ACOX2: variants seen among roughly 807,000 people sequenced by gnomAD.
The protein encoded by ACOX2 is peroxisomal acyl-coenzyme A oxidase 2.
In ACOX2, 59 loss-of-function variants were observed where a neutral mutation model predicts 77.5. The ratio of observed to expected loss-of-function variants is 0.76; its 90% confidence interval spans 0.62 to 0.95. The LOEUF is 0.95. ACOX2 is among the 40% of genes least tolerant of loss of function. ACOX2 has a pLI of 0.00. For synonymous variants in ACOX2, 317 were observed against 340.1 expected (o/e 0.93, Z 0.75); for missense variants, 837 against 880.4 (o/e 0.95, Z 0.62).
At position 58,525,715 on chromosome 3, in the gene ACOX2, T is replaced by G. The variant is rs2063389263; in HGVS notation, c.1346+751A>C. On this transcript the variant is annotated intron_variant, in intron 10 of 14. Transcript: ENST00000302819. This position sits in a 1 kb window ranked among gnomAD's most constrained non-coding sequence, Gnocchi z 5.0. ...AAGGCCTCCTGGACAGAAAGAAGTG[T>G]GTGGCCGGCAGAAGTGAGCAGAGGT... is the stretch of plus-strand genomic sequence containing the variant. Among the ~76,000 whole-genome samples the G allele has an allele frequency of 6.6e-6, 1 of 152,076 alleles. No homozygotes were observed. The highest frequency in any genetic ancestry group is 2.4e-5 in the African/African-American group (1 of 41,410).
intron 8 of ACOX2, 107 bp downstream of exon 8, chr3:58,530,359 G>A (rs2063428288): frequency 2.0e-6 from 3 of 1,465,376 alleles, no homozygotes; most frequent in Non-Finnish European, 9.3e-7. Flanking sequence ...GGGGGGCATT[G>A]CCTGCTCCCA....
chr3:58,534,206 T>C lies in ACOX2; in HGVS notation c.324-61A>G, dbSNP rs1468239753. ...TGGAGACAGGGGCCCAGGTACCCCCTGCCTGAGCAGAGTACAGGAGATAAA... is the reference window on the plus strand; with the variant it reads ...TGGAGACAGGGGCCCAGGTACCCCCCGCCTGAGCAGAGTACAGGAGATAAA... On this transcript the variant is annotated intron_variant, in intron 3 of 14. Transcript: ENST00000302819. The surrounding 1 kb of genome is among the most constrained non-coding windows in gnomAD (Gnocchi z 4.8). The C allele has an allele frequency of 4.4e-6, 7 of 1,605,772 alleles. No homozygotes were observed. The highest frequency in any genetic ancestry group is 5.1e-6 in the Non-Finnish European group (6 of 1,176,328).
Position 58,534,160 on chromosome 3 carries a change from T to C in ACOX2, c.324-15A>G, listed in dbSNP as rs113257449. The stretch of plus-strand genomic sequence containing the variant: ...CAGAAAGGGCTCTGTTGGGGAGAGA[T>C]GCTGTAGTTGAGTAGCTTATTGGAG... On this transcript the variant is annotated splice_polypyrimidine_tract_variant and intron_variant, in intron 3 of 14. Transcript: ENST00000302819. The surrounding 1 kb of genome is among the most constrained non-coding windows in gnomAD (Gnocchi z 4.8). The C allele has an allele frequency of 6.8e-6, 11 of 1,613,660 alleles. No homozygotes were observed. Among genetic ancestry groups the C allele is most frequent in the Non-Finnish European group, 8.5e-6 (10 of 1,179,946 alleles).
At position 58,514,739 on chromosome 3, in the gene ACOX2, C is replaced by T. The variant is rs1365054605; in HGVS notation, c.1850+2467G>A. 6.6e-6 allele frequency among the ~76,000 whole-genome samples: 1 copy of T among 152,176 alleles called. No individual in the cohort carries two copies. The highest frequency in any genetic ancestry group is 1.5e-5 in the Non-Finnish European group (1 of 68,040). ...TAAGTTTCTGGAGCCAAGGCAAGCA[C>T]TTAGAAATGCTGTTTGCAAATTTAA... On this transcript the variant is annotated intron_variant, in intron 13 of 14. Transcript: ENST00000302819. This position sits in a 1 kb window ranked among gnomAD's most constrained non-coding sequence, Gnocchi z 4.3.
Position 58,533,548 on chromosome 3 carries a change from T to C in ACOX2, c.480A>G (p.Thr160=), listed in dbSNP as rs997276826. The C allele has an allele frequency of 6.2e-7, 1 of 1,613,830 alleles. No homozygotes were observed. The highest frequency in any genetic ancestry group is 1.7e-5 in the Admixed American group (1 of 59,988). The change falls in exon 5 of 15, where the codon ACA becomes ACG. Residue 160 remains threonine, a synonymous_variant. Coordinates refer to ENST00000302819, the MANE Select transcript of ACOX2 (RefSeq NM_003500.4). The surrounding 1 kb of genome is among the most constrained non-coding windows in gnomAD (Gnocchi z 5.6). ...TYAQTELGHG[T]YLQGLETEAT... is the part of the protein sequence containing the mutation. ...CTTCAGTCTCCAGGCCCTGAAGATATGTCCCTTAGGATCAAGGAGAGGTGT... is the reference window on the plus strand; with the variant it reads ...CTTCAGTCTCCAGGCCCTGAAGATACGTCCCTTAGGATCAAGGAGAGGTGT...
At position 58,535,639 on chromosome 3, in the gene ACOX2, C is replaced by G. The variant is rs1378831960; in HGVS notation, c.-91-442G>C. On this transcript the variant is annotated intron_variant, in intron 1 of 14. Transcript: ENST00000302819. The surrounding 1 kb of genome is among the most constrained non-coding windows in gnomAD (Gnocchi z 4.8). ...CACTGTGGAGGATTGCTGGGGGCAC[C>G]TTGGTCTCATTAAACTGCTCATAAG... Among the ~76,000 whole-genome samples the G allele has an allele frequency of 1.3e-5, 2 of 152,122 alleles. No individual in the cohort carries two copies. The highest frequency in any genetic ancestry group is 2.9e-5 in the Non-Finnish European group (2 of 68,018).
chr3:58,522,812 G>T lies in ACOX2; in HGVS notation c.1527-211C>A, dbSNP rs991947584. The T allele has an allele frequency of 5.8e-6, 3 of 515,118 alleles. No homozygotes were observed. Among genetic ancestry groups the T allele is most frequent in the African/African-American group, 3.9e-5 (2 of 51,904 alleles). The allele number at this position is 515,118 out of a possible 1,614,324, so 31.9% of individuals were successfully genotyped here. On this transcript the variant is annotated intron_variant, in intron 11 of 14. Transcript: ENST00000302819. The surrounding 1 kb of genome is among the most constrained non-coding windows in gnomAD (Gnocchi z 4.3). ...ATGGGGAAAACTGAGTCCCAGAGAGGTTAACCAATTTGTCCAGGGTCACAC... is the reference window on the plus strand; with the variant it reads ...ATGGGGAAAACTGAGTCCCAGAGAGTTTAACCAATTTGTCCAGGGTCACAC...
rs2063386662 is a variant in ACOX2, at chr3:58,525,325, C to A, written c.1347-720G>T. 6.6e-6 allele frequency among the ~76,000 whole-genome samples: 1 copy of A among 152,204 alleles called. No individual in the cohort carries two copies. Among genetic ancestry groups the A allele is most frequent in the Admixed American group, 6.5e-5 (1 of 15,284 alleles). ...TAAAAATATAATAAATGTTGTTTTT[C>A]ATATTTGCCAGTGAACTTCTTTCTC... On this transcript the variant is annotated intron_variant, in intron 10 of 14. Coordinates refer to ENST00000302819, the MANE Select transcript of ACOX2 (RefSeq NM_003500.4). The surrounding 1 kb of genome is among the most constrained non-coding windows in gnomAD (Gnocchi z 5.0).
In ACOX2 at chr3:58,511,004, C is replaced by A. The variant is rs1177470946; in HGVS notation, c.1851-1979G>T. 3 of 456,486 alleles carry A rather than the reference C, an allele frequency of 6.6e-6. No homozygotes were observed. In the Admixed American group the frequency reaches 7.1e-5, roughly 11 times the overall value. The allele number at this position is 456,486 out of a possible 1,614,324, so 28.3% of individuals were successfully genotyped here. A position where few individuals can be genotyped will look rare whatever the true frequency, so the allele number is the denominator to read the frequency against. On this transcript the variant is annotated intron_variant, in intron 13 of 14. Coordinates refer to ENST00000302819, the MANE Select transcript of ACOX2 (RefSeq NM_003500.4). ...CATCTCTTTGATCCTCAGATTGACA[C>A]TATCCACCTTTCCCATCTCTTTTGC...
rs538078390 is a variant in ACOX2 at position 58,509,346 on chromosome 3, T to C, written c.1851-321A>G. Among the ~76,000 whole-genome samples the C allele has an allele frequency of 6.9e-3, 1,046 of 151,844 alleles. 11 individuals carry two copies. The highest frequency in any genetic ancestry group is 9.4e-3 in the Non-Finnish European group (640 of 67,960). On this transcript the variant is annotated intron_variant, in intron 13 of 14. Transcript: ENST00000302819. ...ATCAAGACCATCCTGGGTAACATGGTGAAACCCCGTCTCTACTAAAAATAC... is the reference window on the plus strand; with the variant it reads ...ATCAAGACCATCCTGGGTAACATGGCGAAACCCCGTCTCTACTAAAAATAC...
At chr3:58,529,955 A>G (rs2063424555) in intron 8 of ACOX2, among the ~76,000 whole-genome samples, 1 of 152,244 alleles carries the variant, frequency 6.6e-6, no homozygotes, top group Non-Finnish European at 1.5e-5. Context: ...AAAGGGATCC[A>G]GACTAGACAT....
intron 8 of ACOX2, among the ~76,000 whole-genome samples, chr3:58,529,552 C>CT (rs1438919405): frequency 6.6e-6 from 1 of 152,192 alleles, no homozygotes; most frequent in Non-Finnish European, 1.5e-5. Flanking sequence ...ACAGCAGCTG[C>CT]TTACCTGGCG....
chr3:58,532,956 G>A (rs1291187734), intron 5 of ACOX2, among the ~76,000 whole-genome samples: 1 of 152,168 alleles, frequency 6.6e-6, no homozygotes, highest in Non-Finnish European at 1.5e-5. Flanking sequence ...CAGGAGGTAC[G>A]GCGTTGGTGG....
At chr3:58,510,661 A>AAAAAT (rs2063274943) in intron 13 of ACOX2, among the ~76,000 whole-genome samples, 7 of 18,876 alleles carry the variant, frequency 3.7e-4, no homozygotes, top group Non-Finnish European at 5.5e-4. Context: ...AAAAAAAAAA[A>AAAAAT]AAATATATAT....
At chr3:58,511,256 T>G (rs2063285313) in intron 13 of ACOX2, 5 of 325,710 alleles carry the variant, frequency 1.5e-5, no homozygotes, top group South Asian at 1.2e-4. Context: ...GGTAAAAAGT[T>G]AGTGGAAATG....
intron 14 of ACOX2, 119 bp downstream of exon 14, chr3:58,508,774 T>A: frequency 7.6e-7 from 1 of 1,322,782 alleles, no homozygotes; most frequent in Non-Finnish European, 1.0e-6. Flanking sequence ...TAAACAGACG[T>A]GCTACGCCAA....
intron 12 of ACOX2, among the ~76,000 whole-genome samples, chr3:58,520,981 G>GA (rs2063354196): frequency 6.6e-6 from 1 of 152,208 alleles, no homozygotes; most frequent in Admixed American, 6.5e-5. Context: ...CCCTCCCAGG[G>GA]CTGTGTGGAT....
intron 9 of ACOX2, among the ~76,000 whole-genome samples, chr3:58,527,470 A>G (rs1398401459): frequency 6.8e-6 from 1 of 147,440 alleles, no homozygotes; most frequent in African/African-American, 2.6e-5. Flanking sequence ...TGGGAGGCGG[A>G]GGTTGCAGTG....
rs778657401 is a variant in ACOX2, at chr3:58,508,943, C to T, written c.1933G>A (p.Val645Ile). 8.7e-6 allele frequency: 14 copies of T among 1,614,204 alleles called. No homozygotes were observed. The highest frequency in any genetic ancestry group is 4.5e-5 in the East Asian group (2 of 44,880). The change falls in exon 14 of 15, where the codon GTC becomes ATC. Residue 645 changes from valine (V) to isoleucine (I), a missense_variant. Coordinates refer to ENST00000302819, the MANE Select transcript of ACOX2 (RefSeq NM_003500.4). ...NSALGCYDGN[V>I]YERLFQWAQK... ...GCCCACTGGAACAGGCGTTCGTAGA[C>T]GTTTCCATCATAACAGCCAAGTGCT...
Sources: allele counts gnomAD v4.1 joint callset (sites outside exome capture counted in the v4.1 genomes callset), GRCh38; gene constraint gnomAD v4.1.1; non-coding constraint Gnocchi (gnomAD v3.1); transcripts MANE v1.5; gene names NCBI Gene and HGNC (gene_info 2026-07-23, HGNC 2026-07-21).